GRM8: variants seen among roughly 807,000 people sequenced by gnomAD.
The protein encoded by GRM8 is glutamate metabotropic receptor 8.
A neutral mutation model predicts 87.2 loss-of-function variants in GRM8; 47 were observed. That is an observed-to-expected ratio of 0.54 (90% CI 0.43 to 0.69). The LOEUF (loss-of-function observed/expected upper bound fraction) is 0.69. Among genes scored for constraint, GRM8 ranks in the 30% least tolerant of loss-of-function variants. The pLI is 0.00. For missense variants in GRM8, 1,019 were observed against 1,139.2 expected, an observed-to-expected ratio of 0.89 and a Z score of 1.52; for synonymous variants, 396 against 404.5, an observed-to-expected ratio of 0.98 and a Z score of 0.25.
At chr7:126,846,912 A>G (rs1312902581) in intron 6 of GRM8, among the ~76,000 whole-genome samples, 1 of 152,126 alleles carries the variant, frequency 6.6e-6, no homozygotes, top group Admixed American at 6.6e-5. Flanking sequence ...TATTTTTCCT[A>G]TTGCACCACA....
At chr7:126,444,952 C>T (rs930000019) in intron 10 of GRM8, among the ~76,000 whole-genome samples, 1 of 151,766 alleles carries the variant, frequency 6.6e-6, no homozygotes, top group African/African-American at 2.4e-5. Context: ...TAGAGACCAG[C>T]CTGGGCAACA....
chr7:126,935,220 T>C (rs1806185169), intron 3 of GRM8, among the ~76,000 whole-genome samples: 1 of 152,134 alleles, frequency 6.6e-6, no homozygotes, highest in African/African-American at 2.4e-5. Flanking sequence ...CAGAGAGGCA[T>C]CATGTTTGTG....
intron 6 of GRM8, among the ~76,000 whole-genome samples, chr7:126,821,444 C>G (rs1032267518): frequency 6.6e-6 from 1 of 152,178 alleles, no homozygotes; most frequent in Non-Finnish European, 1.5e-5. Context: ...AGTGGAATAA[C>G]AACAACATTC....
intron 2 of GRM8, among the ~76,000 whole-genome samples, chr7:127,241,561 G>A (rs981786373): frequency 2.0e-5 from 3 of 151,416 alleles, no homozygotes; most frequent in African/African-American, 7.3e-5. Flanking sequence ...AGCCTCCCAA[G>A]TAGCTGGGAC....
chr7:126,965,378 A>G (rs1809744648), intron 3 of GRM8, among the ~76,000 whole-genome samples: 1 of 152,106 alleles, frequency 6.6e-6, no homozygotes, highest in Non-Finnish European at 1.5e-5. Flanking sequence ...AATTGGTCAG[A>G]AAGTATTTAT....
intron 2 of GRM8, among the ~76,000 whole-genome samples, chr7:127,134,321 A>G (rs996892604): frequency 6.6e-6 from 1 of 152,254 alleles, no homozygotes; most frequent in Non-Finnish European, 1.5e-5. Flanking sequence ...GTGAGAAAAT[A>G]TCTACTATGC....
intron 9 of GRM8, among the ~76,000 whole-genome samples, chr7:126,471,115 G>A (rs953277380): frequency 6.6e-5 from 10 of 151,782 alleles, no homozygotes; most frequent in Admixed American, 1.3e-4. Flanking sequence ...AGTAGGTTGC[G>A]AAAATTTTCT....
At chr7:126,552,259 C>G (rs17149953) in intron 8 of GRM8, among the ~76,000 whole-genome samples, 19,520 of 152,006 alleles carry the variant, frequency 0.13, 1,558 homozygotes, top group South Asian at 0.17. Context: ...ATAATGAACT[C>G]CTCTATTAGT....
intron 8 of GRM8, among the ~76,000 whole-genome samples, chr7:126,535,837 C>A (rs1815625299): frequency 6.6e-6 from 1 of 152,120 alleles, no homozygotes; most frequent in Admixed American, 6.5e-5. Context: ...CTCCTGTCCA[C>A]AACAAGCACC....
chr7:126,581,316 T>A (rs192286760), intron 8 of GRM8, among the ~76,000 whole-genome samples: 210 of 152,180 alleles, frequency 1.4e-3, no homozygotes, highest in African/African-American at 4.9e-3. Flanking sequence ...GCCAATTACT[T>A]CTTAACAATC....
At chr7:126,884,403 A>AT (rs1800299228) in intron 6 of GRM8, among the ~76,000 whole-genome samples, 1 of 152,146 alleles carries the variant, frequency 6.6e-6, no homozygotes, top group South Asian at 2.1e-4. Context: ...ACAGCCACAT[A>AT]TTTTTTCAAC....
At chr7:127,239,437 A>G (rs1798161826) in intron 2 of GRM8, among the ~76,000 whole-genome samples, 1 of 152,200 alleles carries the variant, frequency 6.6e-6, no homozygotes, top group South Asian at 2.1e-4. Flanking sequence ...ATAACTAGCA[A>G]TACATTAATT....
At chr7:127,173,742 T>C (rs924598515) in intron 2 of GRM8, among the ~76,000 whole-genome samples, 1 of 152,132 alleles carries the variant, frequency 6.6e-6, no homozygotes, top group African/African-American at 2.4e-5. Flanking sequence ...GATTGATCCG[T>C]CTGATCTGAC....
At chr7:126,962,965 C>T (rs1809469283) in intron 3 of GRM8, among the ~76,000 whole-genome samples, 1 of 152,212 alleles carries the variant, frequency 6.6e-6, no homozygotes, top group African/African-American at 2.4e-5. Flanking sequence ...ACCCTAACTT[C>T]TCTTCCTATA....
intron 8 of GRM8, among the ~76,000 whole-genome samples, chr7:126,592,372 A>T (rs1028536207): frequency 6.6e-6 from 1 of 152,048 alleles, no homozygotes; most frequent in African/African-American, 2.4e-5. Context: ...ACTGATGTAA[A>T]ACATCTTCAA....
intron 3 of GRM8, among the ~76,000 whole-genome samples, chr7:127,053,357 A>G (rs1819666767): frequency 6.6e-6 from 1 of 152,234 alleles, no homozygotes; most frequent in Non-Finnish European, 1.5e-5. Flanking sequence ...CATTGTGGCC[A>G]GTCTCAGTCT....
intron 3 of GRM8, among the ~76,000 whole-genome samples, chr7:126,934,643 A>C (rs1307165638): frequency 6.6e-6 from 1 of 152,174 alleles, no homozygotes; most frequent in Non-Finnish European, 1.5e-5. Context: ...AGAAACTAGA[A>C]TGGCTGGTTG....
intron 2 of GRM8, among the ~76,000 whole-genome samples, chr7:127,232,214 A>T (rs10265555): frequency 0.053 from 5,715 of 108,526 alleles, 222 homozygotes; most frequent in African/African-American, 0.11. Context: ...TGTGTGTGTG[A>T]GAGAGAGAGA....
chr7:126,906,777 G>C (rs1256161177), intron 3 of GRM8, among the ~76,000 whole-genome samples: 4 of 152,118 alleles, frequency 2.6e-5, no homozygotes, highest in Admixed American at 1.3e-4. Flanking sequence ...GTAATAGCAG[G>C]ACTCTTAGTA....
Sources: allele counts gnomAD v4.1 joint callset (sites outside exome capture counted in the v4.1 genomes callset), GRCh38; gene constraint gnomAD v4.1.1; transcripts MANE v1.5; gene names NCBI Gene and HGNC (gene_info 2026-07-23, HGNC 2026-07-21).